Variants in SH3BP5 observed in about 807,000 individuals in gnomAD.
The protein encoded by SH3BP5 is SH3 domain binding protein 5.
Under a neutral mutation model 43.3 loss-of-function variants are expected in SH3BP5, and 22 were observed. That is an observed-to-expected ratio of 0.51 (90% CI 0.36 to 0.73). The LOEUF (loss-of-function observed/expected upper bound fraction) is 0.73, where lower values mean the gene tolerates loss of function less well. SH3BP5 is among the 30% of genes least tolerant of loss of function. The pLI is 0.00. For missense variants in SH3BP5, 529 were observed against 586.9 expected, an observed-to-expected ratio of 0.90 and a Z score of 1.02; for synonymous variants, 255 against 225.8, an observed-to-expected ratio of 1.13 and a Z score of -1.16.
chr3:15,286,066 A>G (rs1308071595), intron 3 of SH3BP5, among the ~76,000 whole-genome samples: 1 of 152,258 alleles, frequency 6.6e-6, no homozygotes, highest in African/African-American at 2.4e-5. Context: ...ATCTATTATC[A>G]TGTAAGTGGG....
intron 2 of SH3BP5, among the ~76,000 whole-genome samples, chr3:15,312,039 C>A (rs1698072824): frequency 6.6e-6 from 1 of 152,010 alleles, no homozygotes; most frequent in African/African-American, 2.4e-5. Context: ...CTGGCGAAAC[C>A]ACTGGTGGGG....
chr3:15,337,515 G>A (rs765793717), upstream of SH3BP5, among the ~76,000 whole-genome samples: 12 of 152,022 alleles, frequency 7.9e-5, no homozygotes, highest in Non-Finnish European at 1.5e-4. Context: ...ACACTTTTCA[G>A]CCCCTACTAT....
chr3:15,278,143 T>C (rs1168395250), intron 3 of SH3BP5, among the ~76,000 whole-genome samples: 5 of 152,240 alleles, frequency 3.3e-5, no homozygotes, highest in African/African-American at 1.2e-4. Context: ...GAAGCCTCTG[T>C]CCTTTTTAAC....
chr3:15,264,111 C>T (rs936437682), intron 4 of SH3BP5, among the ~76,000 whole-genome samples: 6 of 152,110 alleles, frequency 3.9e-5, no homozygotes, highest in African/African-American at 9.7e-5. Context: ...TTATTACTTA[C>T]GATAAGGATT....
chr3:15,313,061 T>C (rs1698098948), intron 2 of SH3BP5, among the ~76,000 whole-genome samples: 1 of 151,882 alleles, frequency 6.6e-6, no homozygotes, highest in Non-Finnish European at 1.5e-5. Flanking sequence ...CTGGCCAACA[T>C]GGTGAAACCC....
chr3:15,337,094 T>G (rs1461889635), upstream of SH3BP5, among the ~76,000 whole-genome samples: 3 of 147,474 alleles, frequency 2.0e-5, no homozygotes, highest in Admixed American at 6.7e-5. Flanking sequence ...GTTTTTTTTT[T>G]TTTTTTTTTT....
At position 15,255,489 on chromosome 3, in the gene SH3BP5, T is replaced by A. The variant is rs1485343052; in HGVS notation, c.*597A>T. On this transcript the variant is annotated 3_prime_UTR_variant, in exon 9 of 9. Transcript: ENST00000383791. ...CAGCTCATGGTAGCCTTCTAGAAAA[T>A]GGTTTTAATGGGTATCCCAGCATAC... 2.6e-5 allele frequency: 4 copies of A among 152,240 alleles called. No individual in the cohort carries two copies. Among genetic ancestry groups the A allele is most frequent in the African/African-American group, 9.7e-5 (4 of 41,286 alleles). 9.4% of individuals were successfully genotyped at this position (152,240 alleles called of 1,614,324 possible). A position where few individuals can be genotyped will look rare whatever the true frequency, so the allele number is the denominator to read the frequency against.
Position 15,304,097 on chromosome 3 carries a change from T to C in SH3BP5, c.330+6A>G, listed in dbSNP as rs763179195. 3 of 1,613,496 alleles carry C rather than the reference T, an allele frequency of 1.9e-6. No homozygotes were observed. Among genetic ancestry groups the C allele is most frequent in the South Asian group, 2.2e-5 (2 of 91,032 alleles). ...GGTAGGGGAGACATCTATGGGGCTATCTTACCTGCCTCGCCACCCTCCGTG... is the reference window on the plus strand; with the variant it reads ...GGTAGGGGAGACATCTATGGGGCTACCTTACCTGCCTCGCCACCCTCCGTG... On this transcript the variant is annotated splice_donor_region_variant and intron_variant, in intron 3 of 8. Coordinates refer to ENST00000383791, the MANE Select transcript of SH3BP5 (RefSeq NM_004844.5).
chr3:15,256,133 C>T lies in SH3BP5; in HGVS notation c.1321G>A (p.Gly441Arg). Residue 441 changes from glycine to arginine, a missense_variant, in exon 9 of 9, where the codon GGA becomes AGA. Physicochemically the swap from Gly to Arg is moderately radical, Grantham distance 125. Around this residue, in one of 3 missense-constraint regions of SH3BP5, gnomAD observed 369 missense variants for 384.3 expected, o/e 0.96. Coordinates refer to ENST00000383791, the MANE Select transcript of SH3BP5 (RefSeq NM_004844.5). ...ATGTCAGCAATAATTCCATCTCTTC[C>T]CTTTGAGCACTGTAGGGAGAGCTGC... ...MKQLSLQCSKGRDGIIADIKM... is the reference protein window; with the variant it reads ...MKQLSLQCSKRRDGIIADIKM... 1 of 1,614,204 alleles carries T rather than the reference C, an allele frequency of 6.2e-7. No individual in the cohort carries two copies. Among genetic ancestry groups the T allele is most frequent in the Non-Finnish European group, 8.5e-7 (1 of 1,180,020 alleles).
intron 7 of SH3BP5, chr3:15,258,467 C>G: frequency 3.6e-6 from 1 of 274,676 alleles, no homozygotes; most frequent in Non-Finnish European, 7.0e-6. Context: ...CAAAGTTAGG[C>G]CCTTGCCCAC....
At chr3:15,278,096 G>A (rs558062828) in intron 3 of SH3BP5, among the ~76,000 whole-genome samples, 16 of 152,354 alleles carry the variant, frequency 1.1e-4, no homozygotes, top group African/African-American at 3.8e-4. Flanking sequence ...AGGGCCCGGG[G>A]CAAGGCCCCT....
intron 2 of SH3BP5, among the ~76,000 whole-genome samples, chr3:15,319,724 G>A (rs888876695): frequency 1.3e-5 from 2 of 152,306 alleles, no homozygotes; most frequent in African/African-American, 4.8e-5. Context: ...CACTCTGGTT[G>A]CAACTCCAGC....
At chr3:15,304,324 CT>C (rs2125111806) in intron 2 of SH3BP5, 93 bp from the exon 3 acceptor site, 1 of 1,592,698 alleles carries the variant, frequency 6.3e-7, no homozygotes, top group East Asian at 2.2e-5. Flanking sequence ...CAACAAAGGA[CT>C]TTACCCAACG....
At chr3:15,270,732 C>G (rs1210131513) in intron 3 of SH3BP5, among the ~76,000 whole-genome samples, 1 of 152,152 alleles carries the variant, frequency 6.6e-6, no homozygotes, top group African/African-American at 2.4e-5. Context: ...TAAAGACCAG[C>G]CTGGTCAACA....
At chr3:15,271,141 G>GC (rs1462374790) in intron 3 of SH3BP5, among the ~76,000 whole-genome samples, 4 of 151,874 alleles carry the variant, frequency 2.6e-5, no homozygotes, top group African/African-American at 9.7e-5. Context: ...ACTTTGGGGG[G>GC]CCAAGGCAGG....
At chr3:15,320,513 CTAAG>C (rs1268602706) in intron 2 of SH3BP5, among the ~76,000 whole-genome samples, 3 of 151,702 alleles carry the variant, frequency 2.0e-5, no homozygotes, top group East Asian at 1.9e-4. Context: ...AATCGGCAGA[CTAAG>C]TAACTCTCAA....
At chr3:15,305,787 G>A (rs988033910) in intron 2 of SH3BP5, among the ~76,000 whole-genome samples, 57 of 152,206 alleles carry the variant, frequency 3.7e-4, no homozygotes, top group African/African-American at 1.2e-3. Flanking sequence ...CCATCCTGGC[G>A]ACAGCAACTA....
At chr3:15,257,843 C>T (rs530642476) in intron 7 of SH3BP5, among the ~76,000 whole-genome samples, 1 of 152,202 alleles carries the variant, frequency 6.6e-6, no homozygotes, top group South Asian at 2.1e-4. Flanking sequence ...TTTTTCCCCC[C>T]CTTTCTCTTT....
intron 2 of SH3BP5, among the ~76,000 whole-genome samples, chr3:15,324,601 T>TG (rs1698413522): frequency 2.4e-3 from 1 of 424 alleles, no homozygotes; most frequent in Non-Finnish European, 5.1e-3. Context: ...CCGGTCTATC[T>TG]ATGCTTCAAA....
Sources: allele counts gnomAD v4.1 joint callset (sites outside exome capture counted in the v4.1 genomes callset), GRCh38; gene constraint gnomAD v4.1.1; regional missense constraint gnomAD v4.1.1; transcripts MANE v1.5; gene names NCBI Gene and HGNC (gene_info 2026-07-23, HGNC 2026-07-21).